Variants in SLC25A42 observed in about 807,000 individuals in gnomAD.
SLC25A42 encodes mitochondrial coenzyme A transporter SLC25A42.
A neutral mutation model predicts 34.7 loss-of-function variants in SLC25A42; 19 were observed. The observed-to-expected ratio is 0.55, with a 90% confidence interval of 0.38 to 0.80. The LOEUF (loss-of-function observed/expected upper bound fraction) is 0.80. Among genes scored for constraint, SLC25A42 ranks in the 30% least tolerant of loss-of-function variants. The pLI, the probability that SLC25A42 is intolerant of heterozygous loss-of-function variation, is 0.00. For missense variants in SLC25A42, 364 were observed against 441.3 expected, an observed-to-expected ratio of 0.82 and a Z score of 1.57; for synonymous variants, 205 against 191.2, an observed-to-expected ratio of 1.07 and a Z score of -0.59.
chr19:19,069,848 C>A (rs1472413329), intron 1 of SLC25A42, among the ~76,000 whole-genome samples: 1 of 148,714 alleles, frequency 6.7e-6, no homozygotes, highest in Non-Finnish European at 1.5e-5. Context: ...TTTTTTGAGA[C>A]AAGCTCTTGC....
At chr19:19,075,740 G>A (rs968691458) in intron 1 of SLC25A42, among the ~76,000 whole-genome samples, 3 of 152,150 alleles carry the variant, frequency 2.0e-5, no homozygotes, top group Non-Finnish European at 4.4e-5. Flanking sequence ...AGCAAAGTCC[G>A]TGTGCTTTTG....
intron 3 of SLC25A42, among the ~76,000 whole-genome samples, chr19:19,104,308 T>G (rs1249539803): frequency 6.6e-6 from 1 of 152,018 alleles, no homozygotes; most frequent in Non-Finnish European, 1.5e-5. Context: ...CATGCATGCA[T>G]GTTGCACACA....
At chr19:19,107,324 A>AAAG (rs543088802) in intron 6 of SLC25A42, among the ~76,000 whole-genome samples, 1 of 151,198 alleles carries the variant, frequency 6.6e-6, no homozygotes, top group East Asian at 1.9e-4. Flanking sequence ...TCCAAAAAAA[A>AAAG]AAAAACAAAA....
chr19:19,090,555 CCGTGGCACA>C (rs1252888558), intron 1 of SLC25A42, among the ~76,000 whole-genome samples: 4 of 152,008 alleles, frequency 2.6e-5, no homozygotes, highest in African/African-American at 9.7e-5. Flanking sequence ...TGGCTGGGCA[CCGTGGCACA>C]CACCTGTAAT....
intron 1 of SLC25A42, among the ~76,000 whole-genome samples, chr19:19,074,054 T>G (rs939589866): frequency 6.6e-6 from 1 of 152,140 alleles, no homozygotes; most frequent in African/African-American, 2.4e-5. Flanking sequence ...GTAGACCCTC[T>G]TAGTGGAGGA....
intron 1 of SLC25A42, among the ~76,000 whole-genome samples, chr19:19,078,309 A>G (rs1476163982): frequency 6.6e-6 from 1 of 152,164 alleles, no homozygotes; most frequent in Non-Finnish European, 1.5e-5. Context: ...ACTTGCATTC[A>G]GCATGAAGGT....
chr19:19,084,408 A>G (rs1373955541), intron 1 of SLC25A42, among the ~76,000 whole-genome samples: 1 of 152,190 alleles, frequency 6.6e-6, no homozygotes, highest in African/African-American at 2.4e-5. Context: ...TTCTTTGTCT[A>G]TGGCGGTGGA....
At chr19:19,106,200 C>G in intron 5 of SLC25A42, 69 bp from the exon 6 acceptor site, 1 of 1,368,142 alleles carries the variant, frequency 7.3e-7, no homozygotes, top group East Asian at 2.3e-5. Flanking sequence ...TGCGGGTGCT[C>G]CAGGCTGGGC....
intron 1 of SLC25A42, among the ~76,000 whole-genome samples, chr19:19,092,209 T>C (rs2059741700): frequency 6.6e-6 from 1 of 152,182 alleles, no homozygotes; most frequent in Admixed American, 6.5e-5. Flanking sequence ...CATCTAGAGA[T>C]CTTGCCTTAA....
chr19:19,102,476 G>GATTA (rs2145921067), intron 3 of SLC25A42, among the ~76,000 whole-genome samples: 1 of 152,092 alleles, frequency 6.6e-6, no homozygotes, highest in African/African-American at 2.4e-5. Context: ...TGGCGCAGTG[G>GATTA]CTCTTGCCTG....
At chr19:19,069,629 C>G (rs992933772) in intron 1 of SLC25A42, among the ~76,000 whole-genome samples, 1 of 152,106 alleles carries the variant, frequency 6.6e-6, no homozygotes, top group Non-Finnish European at 1.5e-5. Context: ...GGCTTTCTCC[C>G]TGTTGTGTGT....
Position 19,107,874 on chromosome 19 carries a change from G to A in SLC25A42, c.498-20G>A. Reference sequence around the variant, plus strand: ...CTGGGAGGCCTGAGTCCCACCTGCTGGGCTGCTCTGTCCTGGCAGGTACAG... The same window carrying A: ...CTGGGAGGCCTGAGTCCCACCTGCTAGGCTGCTCTGTCCTGGCAGGTACAG... On this transcript the variant is annotated intron_variant, in intron 6 of 7. Transcript: ENST00000318596. The A allele has an allele frequency of 6.2e-7, 1 of 1,613,580 alleles. No homozygotes were observed. The highest frequency in any genetic ancestry group is 8.5e-7 in the Non-Finnish European group (1 of 1,179,838).
At chr19:19,096,254 T>TGGCCCCCCCCCC in intron 2 of SLC25A42, 49 bp downstream of exon 2, 6 of 1,456,632 alleles carry the variant, frequency 4.1e-6, no homozygotes, top group East Asian at 2.4e-5. Flanking sequence ...GGCCCCAGCC[T>TGGCCCCCCCCCC]CCCCACCCCC....
At chr19:19,077,171 G>A (rs994829675) in intron 1 of SLC25A42, among the ~76,000 whole-genome samples, 5 of 152,166 alleles carry the variant, frequency 3.3e-5, no homozygotes, top group African/African-American at 7.2e-5. Context: ...GTGGCAGAGC[G>A]AGAGACCCTG....
At chr19:19,076,060 C>T (rs1478178232) in intron 1 of SLC25A42, among the ~76,000 whole-genome samples, 2 of 152,128 alleles carry the variant, frequency 1.3e-5, no homozygotes, top group Non-Finnish European at 2.9e-5. Flanking sequence ...GGGAGCAGAG[C>T]GAGTGGTTTC....
chr19:19,110,593 A>G lies in SLC25A42; in HGVS notation c.674A>G (p.Tyr225Cys), dbSNP rs1236616644. The change falls in exon 8 of 8, where the codon TAC becomes TGC. Residue 225 changes from tyrosine (Y) to cysteine (C), a missense_variant. Physicochemically the swap from Tyr to Cys is radical, Grantham distance 194 (BLOSUM62 -2). Coordinates refer to ENST00000318596, the MANE Select transcript of SLC25A42 (RefSeq NM_178526.5). ...HREYSGRRQP[Y>C]PFERMIFGAC... ...GAGTACAGCGGCCGCCGGCAGCCCT[A>G]CCCCTTCGAGCGCATGATCTTCGGC... The G allele has an allele frequency of 2.0e-6, 3 of 1,473,590 alleles. No individual in the cohort carries two copies. In the South Asian group the frequency reaches 4.1e-5, roughly 20 times the overall value. 91.3% of individuals were successfully genotyped at this position (1,473,590 alleles called of 1,614,324 possible).
At position 19,105,974 on chromosome 19, in the gene SLC25A42, C is replaced by T. The variant is rs949262856; in HGVS notation, c.380+247C>T. On this transcript the variant is annotated intron_variant, in intron 5 of 7. Coordinates refer to ENST00000318596, the MANE Select transcript of SLC25A42 (RefSeq NM_178526.5). Reference sequence around the variant, plus strand: ...CGTTTGTCTCCAGACGTTTCTCCACCCCCACGCATAAATCCCAGAGGGGCA... The same window carrying T: ...CGTTTGTCTCCAGACGTTTCTCCACTCCCACGCATAAATCCCAGAGGGGCA... 7.2e-6 allele frequency: 4 copies of T among 557,792 alleles called. No homozygotes were observed. The South Asian group carries it at 7.3e-5, about 10-fold the overall frequency. 34.6% of individuals were successfully genotyped at this position (557,792 alleles called of 1,614,324 possible).
intron 2 of SLC25A42, among the ~76,000 whole-genome samples, chr19:19,101,463 C>T (rs1488848053): frequency 6.6e-6 from 1 of 152,224 alleles, no homozygotes; most frequent in Non-Finnish European, 1.5e-5. Context: ...CAGGTGCACA[C>T]AGGCTGTGGA....
intron 2 of SLC25A42, among the ~76,000 whole-genome samples, chr19:19,098,176 A>T (rs543655918): frequency 6.6e-6 from 1 of 152,172 alleles, no homozygotes; most frequent in South Asian, 2.1e-4. Flanking sequence ...ATTAGAGAGG[A>T]GCTGGAAGTA....
Sources: allele counts gnomAD v4.1 joint callset (sites outside exome capture counted in the v4.1 genomes callset), GRCh38; gene constraint gnomAD v4.1.1; transcripts MANE v1.5; gene names NCBI Gene and HGNC (gene_info 2026-07-23, HGNC 2026-07-21).